HDAC8: variants seen among roughly 807,000 people sequenced by gnomAD.
HDAC8 encodes the protein histone deacetylase-like 1.
A neutral mutation model predicts 32.2 loss-of-function variants in HDAC8; 1 was observed. That is an observed-to-expected ratio of 0.03 (90% CI 0.01 to 0.15). The LOEUF (loss-of-function observed/expected upper bound fraction) is 0.15. Among genes scored for constraint, HDAC8 ranks in the 10% least tolerant of loss-of-function variants. HDAC8 has a pLI of 1.00. For synonymous variants in HDAC8, 108 were observed against 113.9 expected, an observed-to-expected ratio of 0.95 and a Z score of 0.33; for missense variants, 117 against 300.0, an observed-to-expected ratio of 0.39 and a Z score of 4.51.
At chrX:72,481,228 A>T (rs1431370015) in intron 7 of HDAC8, among the ~76,000 whole-genome samples, 3 of 110,792 alleles carry the variant, frequency 2.7e-5, no homozygotes, top group Non-Finnish European at 5.7e-5. Context: ...AAACTATCAG[A>T]TCTCATGAGA....
intron 7 of HDAC8, among the ~76,000 whole-genome samples, chrX:72,471,625 G>T (rs983690660): frequency 2.1e-4 from 24 of 112,307 alleles, no homozygotes; most frequent in African/African-American, 7.4e-4. Context: ...ATCTTTTCAT[G>T]TGCTTATTGG....
At chrX:72,348,055 G>A (rs1009453382) in intron 10 of HDAC8, among the ~76,000 whole-genome samples, 27 of 112,179 alleles carry the variant, frequency 2.4e-4, no homozygotes, top group Non-Finnish European at 4.9e-4. Flanking sequence ...ATCTCTGTAA[G>A]ATGAATCTTC....
intron 7 of HDAC8, among the ~76,000 whole-genome samples, chrX:72,483,436 C>T (rs2048570903): frequency 9.0e-6 from 1 of 111,001 alleles, no homozygotes; most frequent in African/African-American, 3.3e-5. Context: ...CTCTTGCTCC[C>T]TCTTGTGTGA....
chrX:72,342,164 A>C (rs1361957436), intron 10 of HDAC8, among the ~76,000 whole-genome samples: 1 of 112,729 alleles, frequency 8.9e-6, no homozygotes, highest in African/African-American at 3.2e-5. Context: ...TGGAGCTGCA[A>C]AGAGGCAGAA....
In HDAC8 at chrX:72,486,052, G is replaced by T. The variant is rs1324645009; in HGVS notation, c.737+2881C>A. 8.1e-5 allele frequency among the ~76,000 whole-genome samples: 9 copies of T among 111,093 alleles called. No individual in the cohort carries two copies. The South Asian group carries it at 2.7e-3, about 33-fold the overall frequency. On this transcript the variant is annotated intron_variant, in intron 7 of 10. Transcript: ENST00000373573. The stretch of plus-strand genomic sequence containing the variant: ...CAGGAGAATGGCGTGAACCCGGAAG[G>T]CAGAGCTTGCAGTGAGCCTAGATCG...
intron 2 of HDAC8, 56 bp downstream of exon 2, chrX:72,572,001 G>T: frequency 1.0e-6 from 1 of 985,495 alleles, no homozygotes; most frequent in Non-Finnish European, 1.4e-6. Flanking sequence ...TGTGAAGCAG[G>T]ATATTAAGGC....
At chrX:72,390,601 A>T (rs1251163901) in intron 9 of HDAC8, among the ~76,000 whole-genome samples, 1 of 112,152 alleles carries the variant, frequency 8.9e-6, no homozygotes, top group Non-Finnish European at 1.9e-5. Flanking sequence ...GATGAAAGAC[A>T]TTACATTCTG....
intron 4 of HDAC8, among the ~76,000 whole-genome samples, chrX:72,538,535 C>T (rs2050606670): frequency 1.8e-5 from 2 of 111,423 alleles, no homozygotes; most frequent in Non-Finnish European, 3.8e-5. Context: ...ACTCTTACTA[C>T]AGTTAAGACA....
At chrX:72,377,649 T>C (rs1243361639) in intron 9 of HDAC8, among the ~76,000 whole-genome samples, 1 of 112,468 alleles carries the variant, frequency 8.9e-6, no homozygotes, top group African/African-American at 3.2e-5. Flanking sequence ...TGTTACCGTA[T>C]GCATGCTATA....
chrX:72,445,677 A>T (rs1555984426), intron 9 of HDAC8, among the ~76,000 whole-genome samples: 2 of 112,211 alleles, frequency 1.8e-5, no homozygotes, highest in East Asian at 2.8e-4. Context: ...GCCAAAATTG[A>T]TAAATGGGAT....
At chrX:72,446,084 G>A (rs782331344) in intron 9 of HDAC8, among the ~76,000 whole-genome samples, 3 of 112,265 alleles carry the variant, frequency 2.7e-5, no homozygotes, top group East Asian at 5.6e-4. Context: ...TACACTGTTG[G>A]TGGGACTGTA....
intron 10 of HDAC8, among the ~76,000 whole-genome samples, chrX:72,348,047 C>T (rs1471303561): frequency 1.8e-5 from 2 of 112,217 alleles, no homozygotes; most frequent in African/African-American, 3.2e-5. Flanking sequence ...CGGAACACAT[C>T]TCTGTAAGAT....
At chrX:72,399,293 T>C (rs1349455222) in intron 9 of HDAC8, among the ~76,000 whole-genome samples, 1 of 111,966 alleles carries the variant, frequency 8.9e-6, no homozygotes, top group Non-Finnish European at 1.9e-5. Context: ...AATTTCCAAA[T>C]AGGTATAGGT....
chrX:72,393,740 G>A (rs372213830), intron 9 of HDAC8, among the ~76,000 whole-genome samples: 3 of 111,971 alleles, frequency 2.7e-5, no homozygotes, highest in Admixed American at 1.9e-4. Context: ...TATTAGAGGC[G>A]TCTTTGTCTC....
intron 4 of HDAC8, among the ~76,000 whole-genome samples, chrX:72,558,097 C>T (rs1208215385): frequency 2.7e-5 from 3 of 111,583 alleles, no homozygotes; most frequent in Non-Finnish European, 5.7e-5. Flanking sequence ...ACAACAACAA[C>T]AAAAAATGCC....
intron 9 of HDAC8, among the ~76,000 whole-genome samples, chrX:72,403,211 A>C (rs1254009944): frequency 9.0e-6 from 1 of 111,631 alleles, no homozygotes; most frequent in East Asian, 2.8e-4. Context: ...TATATGCCAT[A>C]TACCTTTTTT....
intron 10 of HDAC8, among the ~76,000 whole-genome samples, chrX:72,338,114 G>T (rs193184267): frequency 9.0e-6 from 1 of 111,478 alleles, no homozygotes; most frequent in Non-Finnish European, 1.9e-5. Flanking sequence ...TCCACTTAGC[G>T]CACAGAAAAC....
At chrX:72,417,852 T>C (rs1377855812) in intron 9 of HDAC8, among the ~76,000 whole-genome samples, 2 of 111,897 alleles carry the variant, frequency 1.8e-5, no homozygotes, top group African/African-American at 3.2e-5. Flanking sequence ...AACAGCATGG[T>C]ACTGGTATAA....
rs1487458595 is a variant in HDAC8, at chrX:72,563,659, T to C, written c.437+4230A>G. 3.6e-5 allele frequency among the ~76,000 whole-genome samples: 4 copies of C among 112,391 alleles called. No individual in the cohort carries two copies. The Admixed American group carries it at 3.8e-4, about 11-fold the overall frequency. On this transcript the variant is annotated intron_variant, in intron 4 of 10. Transcript: ENST00000373573. ...TCACCATTCCTTTATTGCTAGGCAT[T>C]CATGTTATTTTAGTTTTTAAAATTT...
Sources: gnomAD v4.1 joint callset for allele counts (sites outside exome capture counted in the v4.1 genomes callset) on GRCh38, gnomAD v4.1.1 for gene constraint, MANE v1.5 for transcripts, NCBI Gene and HGNC (gene_info 2026-07-23, HGNC 2026-07-21) for gene names.